Variants in NCOA2 observed in about 807,000 individuals in gnomAD.
NCOA2 encodes the protein class E basic helix-loop-helix protein 75.
In NCOA2, 21 loss-of-function variants were observed where a neutral mutation model predicts 145.1. The observed-to-expected ratio is 0.14, with a 90% CI of 0.10 to 0.21. The LOEUF (loss-of-function observed/expected upper bound fraction) is 0.21. NCOA2 is among the 10% of genes least tolerant of loss of function. NCOA2 has a pLI of 1.00. For missense variants in NCOA2, 1,472 were observed against 1,837.6 expected (o/e 0.80, Z 3.64); for synonymous variants, 619 against 637.5 (o/e 0.97, Z 0.44).
At chr8:70,225,413 T>G (rs1385012345) in intron 2 of NCOA2, among the ~76,000 whole-genome samples, 3 of 151,774 alleles carry the variant, frequency 2.0e-5, no homozygotes, top group Non-Finnish European at 4.4e-5. Context: ...GCCGGGTGTG[T>G]TGGCGCATGC....
intron 18 of NCOA2, among the ~76,000 whole-genome samples, chr8:70,128,059 C>A (rs555252320): frequency 1.3e-5 from 2 of 152,296 alleles, no homozygotes; most frequent in South Asian, 4.1e-4. Flanking sequence ...ACAGTGAGTT[C>A]TTTAAACAGA....
intron 1 of NCOA2, among the ~76,000 whole-genome samples, chr8:70,346,787 A>G (rs1403586992): frequency 2.6e-5 from 4 of 152,198 alleles, no homozygotes; most frequent in Non-Finnish European, 5.9e-5. Flanking sequence ...GAGAAACCTA[A>G]CTTTTGTAAA....
At position 70,131,849 on chromosome 8, in the gene NCOA2, T is replaced by G; in HGVS notation, c.3312A>C (p.Glu1104Asp). The change falls in exon 16 of 23, where the codon GAA becomes GAC. Residue 1104 changes from glutamate (E) to aspartate (D), a missense_variant. This residue lies in a region of NCOA2 where 953 missense variants were observed against 1,062.1 expected (regional missense o/e 0.90). Coordinates refer to ENST00000452400, the MANE Select transcript of NCOA2 (RefSeq NM_006540.4). ...CTTCCGCGCATACCTGGCTGACCAG[T>G]TCGGGTATTCCTAAGGCTCTATCAA... ...EEIDRALGIP[E>D]LVSQSQAVDP... 1 of 1,592,098 alleles carries G rather than the reference T, an allele frequency of 6.3e-7. No individual in the cohort carries two copies. Among genetic ancestry groups the G allele is most frequent in the Non-Finnish European group, 8.5e-7 (1 of 1,169,682 alleles).
chr8:70,342,906 G>GT (rs1205129369), intron 1 of NCOA2, among the ~76,000 whole-genome samples: 1 of 149,672 alleles, frequency 6.7e-6, no homozygotes, highest in East Asian at 2.0e-4. Context: ...CAAATATGCT[G>GT]TTTAACACAT....
chr8:70,182,116 C>T (rs1815549543), intron 4 of NCOA2, among the ~76,000 whole-genome samples: 1 of 152,208 alleles, frequency 6.6e-6, no homozygotes, highest in Non-Finnish European at 1.5e-5. Flanking sequence ...CTGTGCTCTC[C>T]AAATGTGTTT....
At chr8:70,290,617 C>G (rs1292697328) in intron 2 of NCOA2, among the ~76,000 whole-genome samples, 1 of 152,048 alleles carries the variant, frequency 6.6e-6, no homozygotes, top group Non-Finnish European at 1.5e-5. Flanking sequence ...CTGGTTTTCT[C>G]CCATTATACT....
At chr8:70,139,324 T>A (rs912999294) in intron 14 of NCOA2, among the ~76,000 whole-genome samples, 1 of 152,258 alleles carries the variant, frequency 6.6e-6, no homozygotes, top group African/African-American at 2.4e-5. Flanking sequence ...AAGAGCCAGA[T>A]GCTCTTCAGT....
At chr8:70,243,979 T>C (rs1391253587) in intron 2 of NCOA2, among the ~76,000 whole-genome samples, 3 of 152,052 alleles carry the variant, frequency 2.0e-5, no homozygotes, top group Non-Finnish European at 4.4e-5. Flanking sequence ...CTTGTAGATA[T>C]AAAGAAGAAT....
the NCOA2 span, among the ~76,000 whole-genome samples, chr8:70,441,412 A>G: frequency 2.8e-4 from 41 of 146,186 alleles, no homozygotes; most frequent in African/African-American, 1.0e-3. Flanking sequence ...AGAAGAGAGA[A>G]AGAAAACAAA....
chr8:70,217,471 G>A (rs1819733287), intron 2 of NCOA2, among the ~76,000 whole-genome samples: 1 of 152,038 alleles, frequency 6.6e-6, no homozygotes. Flanking sequence ...CTCACATCCT[G>A]CCGCCTCCAA....
At chr8:70,374,833 A>G (rs1356962673) in intron 1 of NCOA2, among the ~76,000 whole-genome samples, 4 of 151,836 alleles carry the variant, frequency 2.6e-5, no homozygotes, top group Non-Finnish European at 5.9e-5. Context: ...GAAAGCATAT[A>G]TGCCGATACG....
chr8:70,246,904 G>A (rs145282727), intron 2 of NCOA2, among the ~76,000 whole-genome samples: 15 of 152,190 alleles, frequency 9.9e-5, no homozygotes, highest in African/African-American at 3.4e-4. Context: ...TACATAAACT[G>A]CATTATTCAT....
intron 4 of NCOA2, among the ~76,000 whole-genome samples, chr8:70,192,745 G>A (rs1298121004): frequency 6.6e-6 from 1 of 152,120 alleles, no homozygotes; most frequent in Admixed American, 6.5e-5. Context: ...CCACCTTTTG[G>A]GGTAAGAGGG....
intron 17 of NCOA2, 68 bp from the exon 18 acceptor site, chr8:70,128,578 C>G: frequency 3.1e-6 from 5 of 1,591,786 alleles, no homozygotes; most frequent in Non-Finnish European, 4.3e-6. Flanking sequence ...ATCAAGTTTC[C>G]CAAGTAACTG....
intron 1 of NCOA2, among the ~76,000 whole-genome samples, chr8:70,323,179 G>A (rs1806233044): frequency 6.6e-6 from 1 of 152,144 alleles, no homozygotes; most frequent in South Asian, 2.1e-4. Context: ...CACTGAGTAC[G>A]CAGCTATGTT....
At chr8:70,181,712 G>A (rs1815500437) in intron 4 of NCOA2, among the ~76,000 whole-genome samples, 1 of 152,120 alleles carries the variant, frequency 6.6e-6, no homozygotes, top group Non-Finnish European at 1.5e-5. Context: ...AGAAATCTAC[G>A]AATTTTTCAG....
intron 4 of NCOA2, among the ~76,000 whole-genome samples, chr8:70,204,017 CTT>C (rs761048035): frequency 2.8e-5 from 4 of 145,034 alleles, no homozygotes; most frequent in Admixed American, 2.1e-4. Context: ...TCATAGGATT[CTT>C]TTTTTTTTTT....
In NCOA2 at chr8:70,335,837, C is replaced by T. The variant is rs145448618; in HGVS notation, c.-76-39037G>A. ...ACACACCGAGGCTATATGGTATAGC[C>T]TATTGCTTCCAGACCACAAACCTGT... On this transcript the variant is annotated intron_variant, in intron 1 of 22. Transcript: ENST00000452400. Among the ~76,000 whole-genome samples the T allele has an allele frequency of 2.6e-4, 39 of 152,230 alleles. No homozygotes were observed. The East Asian group carries it at 5.8e-3, about 23-fold the overall frequency.
chr8:70,334,675 T>C (rs762698483), intron 1 of NCOA2, among the ~76,000 whole-genome samples: 23 of 152,202 alleles, frequency 1.5e-4, no homozygotes, highest in Non-Finnish European at 2.8e-4. Flanking sequence ...TTCCCTGAAA[T>C]GATCCTTGGC....
Sources: allele counts gnomAD v4.1 joint callset (sites outside exome capture counted in the v4.1 genomes callset), GRCh38; gene constraint gnomAD v4.1.1; regional missense constraint gnomAD v4.1.1; transcripts MANE v1.5; gene names NCBI Gene and HGNC (gene_info 2026-07-23, HGNC 2026-07-21).